The following FZR1 variants were observed in gnomAD, a reference collection of about 807,000 sequenced individuals.
FZR1 encodes fizzy and cell division cycle 20 related 1.
FZR1 carries 11 observed loss-of-function variants against 63.6 expected under a neutral mutation model. That is an observed-to-expected ratio of 0.17 (90% CI 0.11 to 0.29). The LOEUF (loss-of-function observed/expected upper bound fraction) is 0.29. FZR1 is among the 10% of genes least tolerant of loss of function. FZR1 has a pLI of 1.00. For synonymous variants in FZR1, 328 were observed against 297.9 expected, an observed-to-expected ratio of 1.10 and a Z score of -1.04; for missense variants, 440 against 687.5, an observed-to-expected ratio of 0.64 and a Z score of 4.03.
At chr19:3,529,787 T>G (rs1350071743) in intron 7 of FZR1, among the ~76,000 whole-genome samples, 15 of 117,432 alleles carry the variant, frequency 1.3e-4, no homozygotes, top group Non-Finnish European at 2.1e-4. Context: ...CGAGAGTGGA[T>G]GAGAGTGGTT....
Position 3,506,403 on chromosome 19 carries a change from C to T in FZR1, c.-106C>T, listed in dbSNP as rs1244468207. 6.6e-6 allele frequency: 1 copy of T among 151,228 alleles called. No individual in the cohort carries two copies. Among genetic ancestry groups the T allele is most frequent in the Non-Finnish European group, 1.5e-5 (1 of 67,694 alleles). The allele number at this position is 151,228 out of a possible 1,614,324, so 9.4% of individuals were successfully genotyped here. On this transcript the variant is annotated 5_prime_UTR_variant, in exon 1 of 14. Transcript: ENST00000441788. ...CCGGGCCTGCGGGAGCTGCGGAGGCCGGAGGCGGGCGCTGTGCGGTGCCAG... is the reference window on the plus strand; with the variant it reads ...CCGGGCCTGCGGGAGCTGCGGAGGCTGGAGGCGGGCGCTGTGCGGTGCCAG...
chr19:3,527,501 TG>T, intron 6 of FZR1, 129 bp from the exon 7 acceptor site: 1 of 686,144 alleles, frequency 1.5e-6, no homozygotes, highest in Non-Finnish European at 2.4e-6. Flanking sequence ...TAGGATCACA[TG>T]GTGGCGGTGG....
chr19:3,518,340 G>C (rs1307345210), intron 1 of FZR1, among the ~76,000 whole-genome samples: 1 of 152,078 alleles, frequency 6.6e-6, no homozygotes, highest in Non-Finnish European at 1.5e-5. Context: ...TCAAACTCCT[G>C]GTATCCTCCT....
chr19:3,524,801 C>T (rs1041143680), intron 2 of FZR1, among the ~76,000 whole-genome samples: 4 of 152,154 alleles, frequency 2.6e-5, no homozygotes, highest in Non-Finnish European at 4.4e-5. Context: ...TGCATCTGTC[C>T]TGGAACCATC....
chr19:3,526,497 C>T lies in FZR1; in HGVS notation c.387+111C>T. ...CCCGAGCCCGGTTCTCGGGCCCAGC[C>T]ACGGCTCAGCACCCCCGCCCTGACC... On this transcript the variant is annotated intron_variant, in intron 5 of 13. Transcript: ENST00000441788. The surrounding 1 kb of genome is among the most constrained non-coding windows in gnomAD (Gnocchi z 5.4). 1 of 801,858 alleles carries T rather than the reference C, an allele frequency of 1.2e-6. No individual in the cohort carries two copies. Among genetic ancestry groups the T allele is most frequent in the Non-Finnish European group, 2.0e-6 (1 of 500,462 alleles). 49.7% of individuals were successfully genotyped at this position (801,858 alleles called of 1,614,324 possible).
Position 3,526,048 on chromosome 19 carries a change from C to A in FZR1, c.195+55C>A. 6.2e-7 allele frequency: 1 copy of A among 1,611,826 alleles called. No homozygotes were observed. ...CCCCCCGGGAAGCCCAGGGCCCCTC[C>A]CAGCCTCCTTGCTCTAGGGCCGGGA... On this transcript the variant is annotated intron_variant, in intron 3 of 13. Coordinates refer to ENST00000441788, the MANE Select transcript of FZR1 (RefSeq NM_016263.4). The surrounding 1 kb of genome is among the most constrained non-coding windows in gnomAD (Gnocchi z 5.4).
In FZR1 at chr19:3,506,343, C is replaced by G. The variant is rs924852788; in HGVS notation, c.-166C>G. ...GAGCGACCGCCGCCATATTAGGGACCGCGGAGCCCGGGATCCCGTCAGCGG... is the reference window on the plus strand; with the variant it reads ...GAGCGACCGCCGCCATATTAGGGACGGCGGAGCCCGGGATCCCGTCAGCGG... On this transcript the variant is annotated 5_prime_UTR_variant, in exon 1 of 14. Transcript: ENST00000441788. 4 of 151,164 alleles carry G rather than the reference C, an allele frequency of 2.6e-5. No individual in the cohort carries two copies. In the East Asian group the frequency reaches 7.8e-4, roughly 29 times the overall value. The allele number at this position is 151,164 out of a possible 1,614,324, so 9.4% of individuals were successfully genotyped here. A position where few individuals can be genotyped will look rare whatever the true frequency, so the allele number is the denominator to read the frequency against.
chr19:3,523,502 C>T (rs545519165), intron 2 of FZR1, among the ~76,000 whole-genome samples: 20 of 152,262 alleles, frequency 1.3e-4, no homozygotes, highest in African/African-American at 4.8e-4. Context: ...ACTGGCCACA[C>T]AGGGTCTCGG....
At position 3,516,370 on chromosome 19, in the gene FZR1, T is replaced by C. The variant is rs1422879122; in HGVS notation, c.-34-6586T>C. ...TTTGGGCTCTCCTGTGGGTGGCAGG[T>C]GCTTCCCTCAGTTTGTCATCTGTTT... On this transcript the variant is annotated intron_variant, in intron 1 of 13. Coordinates refer to ENST00000441788, the MANE Select transcript of FZR1 (RefSeq NM_016263.4). This position sits in a 1 kb window ranked among gnomAD's most constrained non-coding sequence, Gnocchi z 6.0. Among the ~76,000 whole-genome samples, 2 of 152,208 alleles carry C rather than the reference T, an allele frequency of 1.3e-5. No individual in the cohort carries two copies. Among genetic ancestry groups the C allele is most frequent in the Admixed American group, 1.3e-4 (2 of 15,286 alleles).
intron 1 of FZR1, among the ~76,000 whole-genome samples, chr19:3,513,312 T>C (rs1331256539): frequency 6.6e-6 from 1 of 152,166 alleles, no homozygotes; most frequent in East Asian, 1.9e-4. Flanking sequence ...GGCCTCCTGC[T>C]GGAACCACTC....
At chr19:3,534,557 T>G in intron 13 of FZR1, 44 bp downstream of exon 13, 1 of 1,327,766 alleles carries the variant, frequency 7.5e-7, no homozygotes, top group Non-Finnish European at 1.1e-6. Context: ...CGCCCCAGCC[T>G]GTCCCAGGGT....
chr19:3,525,552 C>G lies in FZR1; in HGVS notation c.70-316C>G, dbSNP rs1253069092. Among the ~76,000 whole-genome samples, 1 of 146,550 alleles carries G rather than the reference C, an allele frequency of 6.8e-6. No homozygotes were observed. Among genetic ancestry groups the G allele is most frequent in the Non-Finnish European group, 1.5e-5 (1 of 67,278 alleles). ...CCGCCTCCCAGGTTCATGCCATTCT[C>G]CTGCCTCAGCCTCCCGAGTAGCTGG... is the stretch of plus-strand genomic sequence containing the variant. On this transcript the variant is annotated intron_variant, in intron 2 of 13. Transcript: ENST00000441788. This position sits in a 1 kb window ranked among gnomAD's most constrained non-coding sequence, Gnocchi z 4.2.
chr19:3,521,952 C>G (rs1223106078), intron 1 of FZR1, among the ~76,000 whole-genome samples: 3 of 151,488 alleles, frequency 2.0e-5, no homozygotes, highest in Non-Finnish European at 4.4e-5. Context: ...AAACTCCCAG[C>G]CTCAGGCGAT....
rs181253328 is a variant in FZR1, at chr19:3,530,458, G to A, written c.655-334G>A. 1.5e-5 allele frequency among the ~76,000 whole-genome samples: 2 copies of A among 129,390 alleles called. 1 individual carries two copies. The highest frequency in any genetic ancestry group is 3.3e-5 in the Non-Finnish European group (2 of 61,004). The allele number at this position is 129,390 out of a possible 152,430, so 84.9% of individuals were successfully genotyped here. A position where few individuals can be genotyped will look rare whatever the true frequency, so the allele number is the denominator to read the frequency against. On this transcript the variant is annotated intron_variant, in intron 7 of 13. Transcript: ENST00000441788. ...CGGATGGGAGAGCGCATGGGAGAGC[G>A]CATGGATGAGCGCATGGGAGAGCGC...
At chr19:3,534,267 G>T in intron 12 of FZR1, 154 bp from the exon 13 acceptor site, 1 of 474,518 alleles carries the variant, frequency 2.1e-6, no homozygotes, top group Non-Finnish European at 3.7e-6. Flanking sequence ...CTTGGTTTCT[G>T]CTTGTGGTGG....
At chr19:3,522,068 C>T (rs554611091) in intron 1 of FZR1, among the ~76,000 whole-genome samples, 1 of 152,290 alleles carries the variant, frequency 6.6e-6, no homozygotes, top group Non-Finnish European at 1.5e-5. Context: ...CATGGCACTA[C>T]AGCCTGGGTG....
At chr19:3,528,951 G>C (rs1037054314) in intron 7 of FZR1, among the ~76,000 whole-genome samples, 7 of 151,334 alleles carry the variant, frequency 4.6e-5, no homozygotes, top group African/African-American at 1.7e-4. Flanking sequence ...TGGGAGAGCG[G>C]ATGGGTGAGT....
rs113483575 is a variant in FZR1 at position 3,509,593 on chromosome 19, C to T, written c.-35+3119C>T. Among the ~76,000 whole-genome samples, 794 of 152,354 alleles carry T rather than the reference C, an allele frequency of 5.2e-3. 11 individuals carry two copies. The highest frequency in any genetic ancestry group is 0.018 in the African/African-American group (743 of 41,574). ...CCTCTGCCCAATTCTGGAGCATTCT[C>T]ATTCCCTCAGGAAGAAACCAGCCTT... On this transcript the variant is annotated intron_variant, in intron 1 of 13. Coordinates refer to ENST00000441788, the MANE Select transcript of FZR1 (RefSeq NM_016263.4).
intron 2 of FZR1, among the ~76,000 whole-genome samples, chr19:3,524,612 C>A (rs2083134339): frequency 6.6e-6 from 1 of 152,180 alleles, no homozygotes; most frequent in African/African-American, 2.4e-5. Context: ...AGAGAGGCCG[C>A]AGACGGGGCC....
Sources: gnomAD v4.1 joint callset for allele counts (sites outside exome capture counted in the v4.1 genomes callset) on GRCh38, gnomAD v4.1.1 for gene constraint, Gnocchi (gnomAD v3.1) non-coding constraint, MANE v1.5 for transcripts, NCBI Gene and HGNC (gene_info 2026-07-23, HGNC 2026-07-21) for gene names.